Variants in NRP1 observed in about 807,000 individuals in gnomAD.
NRP1 encodes neuropilin 1, also known as neuropilin-1.
In NRP1, 35 loss-of-function variants were observed where a neutral mutation model predicts 106.7. That is an observed-to-expected ratio of 0.33 (90% CI 0.25 to 0.43). The LOEUF (loss-of-function observed/expected upper bound fraction) is 0.43, where lower values mean the gene tolerates loss of function less well. Among genes scored for constraint, NRP1 ranks in the 20% least tolerant of loss-of-function variants. NRP1 has a pLI of 1.00. For missense variants in NRP1, 1,024 were observed against 1,170.4 expected (o/e 0.87, Z 1.83); for synonymous variants, 437 against 417.9 (o/e 1.05, Z -0.56).
At chr10:33,331,643 T>C (rs943775822) in intron 1 of NRP1, among the ~76,000 whole-genome samples, 2 of 152,196 alleles carry the variant, frequency 1.3e-5, no homozygotes. Context: ...GTATCACATA[T>C]GGTAACCCAC....
intron 13 of NRP1, among the ~76,000 whole-genome samples, chr10:33,187,700 TC>T (rs1836106233): frequency 6.6e-6 from 1 of 152,198 alleles, no homozygotes; most frequent in East Asian, 1.9e-4. Flanking sequence ...CTCTAACACC[TC>T]ACCTGATTAA....
intron 2 of NRP1, among the ~76,000 whole-genome samples, chr10:33,306,861 C>T (rs1846202228): frequency 6.6e-6 from 1 of 152,172 alleles, no homozygotes; most frequent in Admixed American, 6.5e-5. Flanking sequence ...TTGATTGAAT[C>T]AATATTGTGT....
chr10:33,201,008 G>T (rs1837259205), intron 11 of NRP1: 1 of 151,928 alleles, frequency 6.6e-6, no homozygotes, highest in Non-Finnish European at 1.5e-5. Context: ...TGCTGATCTG[G>T]GAATAACTCT....
chr10:33,305,889 C>T (rs1846117943), intron 2 of NRP1, among the ~76,000 whole-genome samples: 1 of 152,104 alleles, frequency 6.6e-6, no homozygotes, highest in South Asian at 2.1e-4. Flanking sequence ...CTGCCTCAGC[C>T]TCCCGAGTAG....
chr10:33,323,769 A>G (rs1847694893), intron 2 of NRP1, among the ~76,000 whole-genome samples: 1 of 152,158 alleles, frequency 6.6e-6, no homozygotes, highest in South Asian at 2.1e-4. Flanking sequence ...CTACCACTGC[A>G]ATTAGTTACG....
At chr10:33,287,766 C>T (rs1844683281) in intron 2 of NRP1, among the ~76,000 whole-genome samples, 1 of 152,126 alleles carries the variant, frequency 6.6e-6, no homozygotes, top group African/African-American at 2.4e-5. Context: ...AGAGTCAATG[C>T]CTCATCCTTG....
intron 2 of NRP1, among the ~76,000 whole-genome samples, chr10:33,329,318 T>C (rs1848109538): frequency 6.6e-6 from 1 of 152,158 alleles, no homozygotes; most frequent in South Asian, 2.1e-4. Context: ...CACTGATTAT[T>C]TGGAAACTGG....
intron 2 of NRP1, among the ~76,000 whole-genome samples, chr10:33,279,460 C>A (rs1322158485): frequency 1.3e-5 from 2 of 152,194 alleles, no homozygotes; most frequent in Non-Finnish European, 2.9e-5. Context: ...TCAGAGCCAG[C>A]AATTGATAAT....
intron 10 of NRP1, among the ~76,000 whole-genome samples, 195 bp downstream of exon 10, chr10:33,207,372 CCAAGA>C (rs1404705813): frequency 6.6e-6 from 1 of 150,686 alleles, no homozygotes; most frequent in African/African-American, 2.4e-5. Context: ...TGCAAACAAC[CCAAGA>C]CAAAAGTAGG....
At chr10:33,325,515 A>G (rs1256465176) in intron 2 of NRP1, among the ~76,000 whole-genome samples, 1 of 152,246 alleles carries the variant, frequency 6.6e-6, no homozygotes, top group Non-Finnish European at 1.5e-5. Context: ...CAATAAGTGT[A>G]AATGTGCAGG....
chr10:33,226,009 C>T (rs767846348), intron 7 of NRP1, 125 bp downstream of exon 7: 46 of 1,058,498 alleles, frequency 4.3e-5, no homozygotes, highest in Admixed American at 9.4e-5. Context: ...CCTCTAATTG[C>T]ACTTTTCATT....
At chr10:33,269,727 C>T (rs1413674037) in intron 3 of NRP1, among the ~76,000 whole-genome samples, 1 of 152,116 alleles carries the variant, frequency 6.6e-6, no homozygotes, top group Non-Finnish European at 1.5e-5. Context: ...TGAACTCCTC[C>T]TCCTGTCAGA....
At chr10:33,324,386 C>T (rs1477072789) in intron 2 of NRP1, among the ~76,000 whole-genome samples, 3 of 151,978 alleles carry the variant, frequency 2.0e-5, no homozygotes, top group Non-Finnish European at 4.4e-5. Context: ...GAGATCAAAA[C>T]CAGAAATAAA....
At chr10:33,217,185 G>A (rs937767544) in intron 8 of NRP1, among the ~76,000 whole-genome samples, 2 of 152,110 alleles carry the variant, frequency 1.3e-5, no homozygotes, top group Non-Finnish European at 2.9e-5. Flanking sequence ...GTTACCATTT[G>A]GAGGCAAACA....
Position 33,329,964 on chromosome 10 carries a change from G to C in NRP1, c.248+744C>G, listed in dbSNP as rs146173933. Among the ~76,000 whole-genome samples the C allele has an allele frequency of 7.7e-4, 118 of 152,330 alleles. No homozygotes were observed. The East Asian group carries it at 0.022, about 29-fold the overall frequency. ...ATAATTTCGACTGTCTCTATAGTGA[G>C]AATGTCTTCATAATAACGAAATTGG... is the stretch of plus-strand genomic sequence containing the variant. On this transcript the variant is annotated intron_variant, in intron 2 of 16. Coordinates refer to ENST00000374867, the MANE Select transcript of NRP1 (RefSeq NM_003873.7).
intron 2 of NRP1, among the ~76,000 whole-genome samples, chr10:33,321,581 T>C (rs748397001): frequency 2.0e-5 from 3 of 152,212 alleles, no homozygotes; most frequent in Non-Finnish European, 4.4e-5. Flanking sequence ...TAAGAATGTA[T>C]GCCTTTAAAT....
chr10:33,231,947 C>T (rs974218548), intron 6 of NRP1, among the ~76,000 whole-genome samples: 2 of 152,096 alleles, frequency 1.3e-5, no homozygotes, highest in Non-Finnish European at 2.9e-5. Context: ...TTTCCCTCAC[C>T]ACTATTGACA....
At chr10:33,328,704 G>A (rs1461052998) in intron 2 of NRP1, among the ~76,000 whole-genome samples, 2 of 152,122 alleles carry the variant, frequency 1.3e-5, no homozygotes, top group East Asian at 3.8e-4. Context: ...ACATCACATG[G>A]TTAGTTTGAA....
At chr10:33,183,335 T>A (rs1223390221) in intron 15 of NRP1, among the ~76,000 whole-genome samples, 197 of 131,560 alleles carry the variant, frequency 1.5e-3, no homozygotes, top group East Asian at 4.3e-3. Flanking sequence ...ACAACAAATT[T>A]AAAAAAAAAA....
Sources: gnomAD v4.1 joint callset for allele counts (sites outside exome capture counted in the v4.1 genomes callset) on GRCh38, gnomAD v4.1.1 for gene constraint, MANE v1.5 for transcripts, NCBI Gene and HGNC (gene_info 2026-07-23, HGNC 2026-07-21) for gene names.